The following GALK2 variants were observed in gnomAD, a reference collection of about 807,000 sequenced individuals.
The protein encoded by GALK2 is galactokinase 2, also known as N-acetylgalactosamine kinase.
In GALK2, 36 loss-of-function variants were observed where a neutral mutation model predicts 52.4. The ratio of observed to expected loss-of-function variants is 0.69; its 90% CI spans 0.53 to 0.91. GALK2 has a LOEUF of 0.91. Among genes scored for constraint, GALK2 ranks in the 40% least tolerant of loss-of-function variants. The probability of loss-of-function intolerance (pLI) is 0.00; values close to 1 mark genes in which losing one functional copy is unlikely to be tolerated. For missense variants in GALK2, 579 were observed against 559.1 expected, an observed-to-expected ratio of 1.04 and a Z score of -0.36; for synonymous variants, 176 against 199.1, an observed-to-expected ratio of 0.88 and a Z score of 0.98.
chr15:49,352,085 G>A (rs1288557167), intron 3 of GALK2, among the ~76,000 whole-genome samples: 2 of 152,156 alleles, frequency 1.3e-5, no homozygotes, highest in Non-Finnish European at 1.5e-5. Context: ...GTCTGGGGCT[G>A]ATACTTGCTG....
chr15:49,156,652 C>T, intron 1 of GALK2: 1 of 518,960 alleles, frequency 1.9e-6, no homozygotes, highest in Non-Finnish European at 3.8e-6. Context: ...AGAGCATTCC[C>T]AAAGGCAAAA....
intron 5 of GALK2, among the ~76,000 whole-genome samples, chr15:49,276,889 T>G (rs890726688): frequency 9.6e-5 from 14 of 146,230 alleles, no homozygotes; most frequent in Non-Finnish European, 1.8e-4. Context: ...AGCTTTTTTC[T>G]TAATAGAATC....
At position 49,194,531 on chromosome 15, in the gene GALK2, T is replaced by A. The variant is rs929129117; in HGVS notation, c.54-6631T>A. ...AGGTTACTCCTCTCTCAAAACAGGG[T>A]TTTTTTGTTTTTGTTTTTTCTTTTT... is the stretch of plus-strand genomic sequence containing the variant. On this transcript the variant is annotated intron_variant, in intron 1 of 9. Transcript: ENST00000560031. 4.9e-5 allele frequency among the ~76,000 whole-genome samples: 7 copies of A among 142,718 alleles called. No homozygotes were observed. In the South Asian group the frequency reaches 1.3e-3, roughly 26 times the overall value. The allele number at this position is 142,718 out of a possible 152,430, so 93.6% of individuals were successfully genotyped here. A position where few individuals can be genotyped will look rare whatever the true frequency, so the allele number is the denominator to read the frequency against.
intron 5 of GALK2, among the ~76,000 whole-genome samples, chr15:49,266,153 A>G (rs1224866305): frequency 2.1e-4 from 32 of 152,154 alleles, no homozygotes; most frequent in Non-Finnish European, 1.3e-4. Context: ...CCACATGTTT[A>G]TCATCCTCCA....
intron 5 of GALK2, among the ~76,000 whole-genome samples, chr15:49,280,592 C>T (rs905271177): frequency 1.1e-4 from 17 of 152,008 alleles, no homozygotes; most frequent in African/African-American, 3.9e-4. Flanking sequence ...AAGGTGTTGG[C>T]AACCAAGCAG....
At chr15:49,256,840 C>T (rs2091835868) in intron 5 of GALK2, among the ~76,000 whole-genome samples, 1 of 151,944 alleles carries the variant, frequency 6.6e-6, no homozygotes, top group Non-Finnish European at 1.5e-5. Context: ...TGTTTGGATC[C>T]CCATAGACTC....
chr15:49,202,089 T>C lies in GALK2; in HGVS notation c.142+839T>C, dbSNP rs914347138. Reference sequence around the variant, plus strand: ...TGCAGTCTCGGCTCACTGCAACCTCTGCCTCCCGGGTTCAAGTGATTCTCC... The same window carrying C: ...TGCAGTCTCGGCTCACTGCAACCTCCGCCTCCCGGGTTCAAGTGATTCTCC... On this transcript the variant is annotated intron_variant, in intron 2 of 9. Transcript: ENST00000560031. Among the ~76,000 whole-genome samples, 4 of 152,248 alleles carry C rather than the reference T, an allele frequency of 2.6e-5. No individual in the cohort carries two copies. The East Asian group carries it at 5.8e-4, about 22-fold the overall frequency.
intron 4 of GALK2, 98 bp from the exon 5 acceptor site, chr15:49,239,123 T>C: frequency 1.0e-6 from 1 of 980,074 alleles, no homozygotes; most frequent in Non-Finnish European, 1.6e-6. Flanking sequence ...ATTATAAGTC[T>C]ATTGATAGAC....
intron 1 of GALK2, among the ~76,000 whole-genome samples, chr15:49,198,064 G>T (rs1373315519): frequency 6.6e-6 from 1 of 152,144 alleles, no homozygotes; most frequent in Non-Finnish European, 1.5e-5. Context: ...AGAGCAGCAA[G>T]ATTTATCAAC....
chr15:49,354,378 A>G (rs1166585855), intron 3 of GALK2, among the ~76,000 whole-genome samples: 2 of 152,192 alleles, frequency 1.3e-5, no homozygotes, highest in Non-Finnish European at 2.9e-5. Context: ...GGCGCAGGTC[A>G]GTGGGTGCGC....
chr15:49,274,222 C>G (rs913144483), intron 5 of GALK2, among the ~76,000 whole-genome samples: 2 of 152,150 alleles, frequency 1.3e-5, no homozygotes, highest in Non-Finnish European at 2.9e-5. Flanking sequence ...TGTACTAACA[C>G]AAACCTAGAT....
At chr15:49,343,229 CTTTT>C (rs1567109908) in intron 3 of GALK2, among the ~76,000 whole-genome samples, 1 of 151,916 alleles carries the variant, frequency 6.6e-6, no homozygotes. Flanking sequence ...TTTCTTAATT[CTTTT>C]TTTAATTTTT....
At chr15:49,175,690 T>C (rs1052526460) in intron 1 of GALK2, among the ~76,000 whole-genome samples, 1 of 152,146 alleles carries the variant, frequency 6.6e-6, no homozygotes, top group Non-Finnish European at 1.5e-5. Flanking sequence ...TTATGCCCAA[T>C]TTCTGCCTCC....
chr15:49,277,437 G>A (rs2031983761), intron 5 of GALK2, among the ~76,000 whole-genome samples: 1 of 143,488 alleles, frequency 7.0e-6, no homozygotes, highest in Non-Finnish European at 1.5e-5. Context: ...CAAAGTGCTG[G>A]GATGACAGGC....
rs182796717 is a variant in GALK2, at chr15:49,271,673, T to C, written c.505-10314T>C. Among the ~76,000 whole-genome samples, 21 of 152,302 alleles carry C rather than the reference T, an allele frequency of 1.4e-4. No homozygotes were observed. In the East Asian group the frequency reaches 3.1e-3, roughly 22 times the overall value. On this transcript the variant is annotated intron_variant, in intron 5 of 9. Transcript: ENST00000560031. The stretch of plus-strand genomic sequence containing the variant: ...ATTTGAAACTCCCTCCCTCACGGAT[T>C]TGAAACTAGATAGAACACAAAAAGT...
chr15:49,160,352 G>A (rs926760459), intron 1 of GALK2, among the ~76,000 whole-genome samples: 4 of 152,144 alleles, frequency 2.6e-5, no homozygotes, highest in African/African-American at 4.8e-5. Flanking sequence ...CATATTAAAT[G>A]TATAACTTAG....
intron 4 of GALK2, among the ~76,000 whole-genome samples, chr15:49,236,501 A>G (rs1373776940): frequency 3.9e-5 from 6 of 152,216 alleles, no homozygotes; most frequent in African/African-American, 7.2e-5. Flanking sequence ...AATGAAATGT[A>G]TTAGTATAAG....
At chr15:49,176,332 C>G (rs1303799084) in intron 1 of GALK2, among the ~76,000 whole-genome samples, 1 of 152,144 alleles carries the variant, frequency 6.6e-6, no homozygotes, top group Non-Finnish European at 1.5e-5. Flanking sequence ...TTAGGAACCA[C>G]CCCATTTTTT....
intron 8 of GALK2, among the ~76,000 whole-genome samples, chr15:49,293,561 A>G (rs189277471): frequency 1.3e-5 from 2 of 152,384 alleles, no homozygotes; most frequent in East Asian, 3.9e-4. Flanking sequence ...TAAATAGTCC[A>G]CAAAACCTAA....
Sources: allele counts gnomAD v4.1 joint callset (sites outside exome capture counted in the v4.1 genomes callset), GRCh38; gene constraint gnomAD v4.1.1; transcripts MANE v1.5; gene names NCBI Gene and HGNC (gene_info 2026-07-23, HGNC 2026-07-21).